Variants in KLHL4 observed in about 807,000 individuals in gnomAD.
The protein encoded by KLHL4 is kelch-like protein 4.
KLHL4 carries 17 observed loss-of-function variants against 45.8 expected under a neutral mutation model. That is an observed-to-expected ratio of 0.37 (90% CI 0.25 to 0.56). The LOEUF (loss-of-function observed/expected upper bound fraction) is 0.56, where lower values mean the gene tolerates loss of function less well. Ranked by LOEUF, KLHL4 falls within the 20% of genes least tolerant of loss-of-function variation. The pLI, the probability that KLHL4 is intolerant of heterozygous loss-of-function variation, is 0.79. For missense variants in KLHL4, 544 were observed against 544.9 expected (o/e 1.00, Z 0.02); for synonymous variants, 224 against 189.9 (o/e 1.18, Z -1.47).
At chrX:87,600,225 A>G (rs778980765) in intron 1 of KLHL4, among the ~76,000 whole-genome samples, 46 of 110,931 alleles carry the variant, frequency 4.1e-4, no homozygotes, top group African/African-American at 1.3e-3. Context: ...GGTGGCTCAC[A>G]CCTGTAATCC....
intron 1 of KLHL4, among the ~76,000 whole-genome samples, chrX:87,532,958 C>T (rs1392027435): frequency 2.8e-5 from 3 of 108,763 alleles, no homozygotes; most frequent in African/African-American, 1.0e-4. Flanking sequence ...AAAAAATGCT[C>T]ACCATCACTG....
At chrX:87,645,691 A>T (rs769821859) in intron 9 of KLHL4, among the ~76,000 whole-genome samples, 8 of 112,064 alleles carry the variant, frequency 7.1e-5, no homozygotes, top group Non-Finnish European at 1.3e-4. Flanking sequence ...AAACTATGGT[A>T]TATATACACA....
At chrX:87,658,117 T>C in intron 9 of KLHL4, among the ~76,000 whole-genome samples, 1 of 111,542 alleles carries the variant, frequency 9.0e-6, no homozygotes. Flanking sequence ...ACAGAACATC[T>C]CAGGTTGCAA....
chrX:87,620,196 AGT>A (rs1392720265), intron 4 of KLHL4, among the ~76,000 whole-genome samples: 1 of 112,289 alleles, frequency 8.9e-6, no homozygotes, highest in Non-Finnish European at 1.9e-5. Context: ...CAACAATATA[AGT>A]GTAGATTTTT....
In KLHL4 at chrX:87,517,986, C is replaced by T. The variant is rs1930921182; in HGVS notation, c.93C>T (p.Asn31=). ...GTCATCCTTTTCAAGGTTCCACCAA[C>T]ACTGGAAGCTGTCTTCAGCAGGAAG... is the stretch of plus-strand genomic sequence containing the variant. ...WFSHPFQGST[N]TGSCLQQEGY... The change falls in exon 1 of 11, where the codon AAC becomes AAT. Residue 31 remains asparagine (N), a synonymous_variant. Coordinates refer to ENST00000373119, the MANE Select transcript of KLHL4 (RefSeq NM_019117.5). 3 of 1,211,257 alleles carry T rather than the reference C, an allele frequency of 2.5e-6. No homozygotes were observed. The highest frequency in any genetic ancestry group is 1.7e-5 in the African/African-American group (1 of 57,740).
intron 1 of KLHL4, among the ~76,000 whole-genome samples, chrX:87,520,569 G>A (rs192871173): frequency 8.9e-6 from 1 of 112,410 alleles, no homozygotes; most frequent in Non-Finnish European, 1.9e-5. Flanking sequence ...ATGTTGACAT[G>A]TTGGTTTGGA....
At position 87,635,734 on chromosome X, in the gene KLHL4, T is replaced by G; in HGVS notation, c.1884T>G (p.Pro628=). 1 of 1,204,803 alleles carries G rather than the reference T, an allele frequency of 8.3e-7. No individual in the cohort carries two copies. Among genetic ancestry groups the G allele is most frequent in the Non-Finnish European group, 1.1e-6 (1 of 890,204 alleles). Reference sequence around the variant, plus strand: ...ATGTTGTAGGGGGGCATGATGCCCCTGCTTCCAACCATTGCTCCAGGCTTT... The same window carrying G: ...ATGTTGTAGGGGGGCATGATGCCCCGGCTTCCAACCATTGCTCCAGGCTTT... The part of the protein sequence containing the change: ...FLYVVGGHDA[P]ASNHCSRLSD... The change falls in exon 9 of 11, where the codon CCT becomes CCG. Residue 628 remains proline, a synonymous_variant. Transcript: ENST00000373119.
intron 1 of KLHL4, among the ~76,000 whole-genome samples, chrX:87,533,575 G>C (rs1397583481): frequency 9.9e-6 from 1 of 101,422 alleles, no homozygotes; most frequent in Non-Finnish European, 2.0e-5. Context: ...GAGGGGGGAG[G>C]GATAGCATTA....
chrX:87,610,514 C>A (rs1443439521), intron 1 of KLHL4, among the ~76,000 whole-genome samples: 1 of 111,603 alleles, frequency 9.0e-6, no homozygotes, highest in Non-Finnish European at 1.9e-5. Flanking sequence ...GTATAGTTTT[C>A]TTCTGTCTTC....
intron 1 of KLHL4, among the ~76,000 whole-genome samples, chrX:87,560,325 C>A (rs1282827084): frequency 8.9e-6 from 1 of 111,983 alleles, no homozygotes; most frequent in East Asian, 2.8e-4. Context: ...TTTTGCAAGG[C>A]AATAATTGTT....
At chrX:87,631,304 G>T (rs1310795889) in intron 6 of KLHL4, among the ~76,000 whole-genome samples, 1 of 111,627 alleles carries the variant, frequency 9.0e-6, no homozygotes, top group Non-Finnish European at 1.9e-5. Flanking sequence ...CCCTGTGCAA[G>T]CTTCCAGCTT....
chrX:87,571,936 C>T (rs764931124), intron 1 of KLHL4, among the ~76,000 whole-genome samples: 1 of 110,333 alleles, frequency 9.1e-6, no homozygotes. Flanking sequence ...AAAAAATAAC[C>T]CCCAATAACA....
intron 1 of KLHL4, among the ~76,000 whole-genome samples, chrX:87,525,120 A>C (rs941293375): frequency 2.7e-5 from 3 of 112,141 alleles, no homozygotes; most frequent in Non-Finnish European, 5.6e-5. Flanking sequence ...AACATCTAGT[A>C]ACTACATGCA....
intron 6 of KLHL4, among the ~76,000 whole-genome samples, chrX:87,627,562 A>G (rs1020072116): frequency 3.1e-4 from 35 of 111,604 alleles, no homozygotes; most frequent in African/African-American, 1.1e-3. Context: ...AACAGATAAC[A>G]ATGTTTTTGT....
intron 1 of KLHL4, among the ~76,000 whole-genome samples, chrX:87,539,346 T>A (rs184305165): frequency 9.0e-6 from 1 of 110,632 alleles, no homozygotes; most frequent in East Asian, 2.8e-4. Context: ...AAATAAAAAA[T>A]ATACCATGTT....
intron 1 of KLHL4, among the ~76,000 whole-genome samples, chrX:87,571,194 A>AT (rs1932328502): frequency 9.0e-6 from 1 of 111,100 alleles, no homozygotes; most frequent in African/African-American, 3.2e-5. Context: ...GTATAAATAA[A>AT]TTTTTAATCA....
intron 1 of KLHL4, among the ~76,000 whole-genome samples, chrX:87,585,532 GTGT>G (rs1364440115): frequency 1.8e-5 from 2 of 111,190 alleles, no homozygotes; most frequent in African/African-American, 6.5e-5. Context: ...TATGCAAATA[GTGT>G]TGTTATTAGA....
chrX:87,529,356 G>T (rs1450550378), intron 1 of KLHL4, among the ~76,000 whole-genome samples: 2 of 111,799 alleles, frequency 1.8e-5, no homozygotes, highest in African/African-American at 6.5e-5. Context: ...TAGTGTAAAG[G>T]TTTAAAGTCA....
intron 9 of KLHL4, among the ~76,000 whole-genome samples, chrX:87,636,262 T>C (rs949075206): frequency 2.7e-5 from 3 of 111,916 alleles, no homozygotes; most frequent in Non-Finnish European, 5.6e-5. Context: ...GACAAAGTGG[T>C]AAACAAATAA....
Sources: gnomAD v4.1 joint callset for allele counts (sites outside exome capture counted in the v4.1 genomes callset) on GRCh38, gnomAD v4.1.1 for gene constraint, MANE v1.5 for transcripts, NCBI Gene and HGNC (gene_info 2026-07-23, HGNC 2026-07-21) for gene names.